XPNPEP3: variants seen among roughly 807,000 people sequenced by gnomAD.
The protein encoded by XPNPEP3 is xaa-Pro aminopeptidase 3.
In XPNPEP3, 41 loss-of-function variants were observed where a neutral mutation model predicts 60.0. That is an observed-to-expected ratio of 0.68 (90% CI 0.53 to 0.89). The LOEUF (loss-of-function observed/expected upper bound fraction) is 0.89. XPNPEP3 is among the 40% of genes least tolerant of loss of function. The pLI is 0.00. For missense variants in XPNPEP3, 598 were observed against 638.9 expected, an observed-to-expected ratio of 0.94 and a Z score of 0.69; for synonymous variants, 212 against 223.2, an observed-to-expected ratio of 0.95 and a Z score of 0.45.
At chr22:40,860,527 T>C in intron 1 of XPNPEP3, 1 of 703,004 alleles carries the variant, frequency 1.4e-6, no homozygotes, top group Non-Finnish European at 2.1e-6. Context: ...TGATACATTC[T>C]TGTCTTCTAA....
chr22:40,903,036 C>G (rs1036078295), intron 4 of XPNPEP3, among the ~76,000 whole-genome samples: 1 of 152,158 alleles, frequency 6.6e-6, no homozygotes, highest in Non-Finnish European at 1.5e-5. Flanking sequence ...TGGTAAAGCC[C>G]TCTGACGAGC....
chr22:40,916,334 CAATTAGCA>C lies in XPNPEP3; in HGVS notation c.1055+2011_1055+2018del, dbSNP rs569613661. 2.2e-3 allele frequency among the ~76,000 whole-genome samples: 332 copies of C among 151,760 alleles called. 2 individuals are homozygous for C. Among genetic ancestry groups the C allele is most frequent in the African/African-American group, 7.8e-3 (324 of 41,400 alleles). ...AAAGAAAGAAATGATCCTAATGTTC[CAATTAGCA>C]GAAAGACTCTAAAGTAGCTGTTATA... is the stretch of plus-strand genomic sequence containing the variant. On this transcript the variant is annotated intron_variant, in intron 7 of 9. Transcript: ENST00000357137.
chr22:40,906,393 C>CA (rs2058155624), intron 4 of XPNPEP3, among the ~76,000 whole-genome samples: 1 of 150,658 alleles, frequency 6.6e-6, no homozygotes, highest in African/African-American at 2.5e-5. Context: ...TGCACTCCAG[C>CA]CTGTGGGATG....
Position 40,901,501 on chromosome 22 carries a change from C to G in XPNPEP3, c.793-6086C>G, listed in dbSNP as rs5995961. On this transcript the variant is annotated intron_variant, in intron 4 of 9. Transcript: ENST00000357137. ...CCACCCGCCTCAGCCTCCCAAAGTG[C>G]TGGAATTACAGGCGTGAGCCACCAC... Among the ~76,000 whole-genome samples, 233 of 152,312 alleles carry G rather than the reference C, an allele frequency of 1.5e-3. 4 individuals carry two copies. The highest frequency in any genetic ancestry group is 5.3e-3 in the African/African-American group (219 of 41,566).
intron 7 of XPNPEP3, among the ~76,000 whole-genome samples, chr22:40,918,938 G>A (rs892316852): frequency 6.6e-6 from 1 of 151,360 alleles, no homozygotes; most frequent in Non-Finnish European, 1.5e-5. Context: ...CGGCTCCCAG[G>A]TTCAAGCAGT....
At chr22:40,876,048 A>G (rs931050577) in intron 2 of XPNPEP3, among the ~76,000 whole-genome samples, 1 of 152,040 alleles carries the variant, frequency 6.6e-6, no homozygotes, top group Non-Finnish European at 1.5e-5. Context: ...TGACATTTGT[A>G]TTTCTCTTTT....
intron 4 of XPNPEP3, among the ~76,000 whole-genome samples, chr22:40,895,985 G>A (rs147957775): frequency 6.6e-4 from 100 of 152,204 alleles, no homozygotes; most frequent in African/African-American, 2.4e-3. Context: ...ATATATCAAC[G>A]TTCTTCATCT....
chr22:40,863,655 TTGCCTACCAC>T (rs2057963280), intron 1 of XPNPEP3, among the ~76,000 whole-genome samples: 1 of 152,206 alleles, frequency 6.6e-6, no homozygotes, highest in Non-Finnish European at 1.5e-5. Flanking sequence ...TGATTATAAT[TTGCCTACCAC>T]TGGAAATAAT....
rs776828526 is a variant in XPNPEP3, at chr22:40,882,197, G to C, written c.589+20G>C. 1.7e-5 allele frequency: 28 copies of C among 1,613,542 alleles called. No individual in the cohort carries two copies. The African/African-American group carries it at 3.6e-4, about 21-fold the overall frequency. ...TGAAAGGTAACAAATGGGAGCAGAA[G>C]TCACATTACAAACCAGATTGGGATT... On this transcript the variant is annotated intron_variant, in intron 3 of 9. Coordinates refer to ENST00000357137, the MANE Select transcript of XPNPEP3 (RefSeq NM_022098.4).
chr22:40,862,396 A>G, intron 1 of XPNPEP3: 2 of 992,042 alleles, frequency 2.0e-6, no homozygotes, highest in Non-Finnish European at 2.4e-6. Context: ...TGACCTCTAG[A>G]TTACTGCGCC....
intron 6 of XPNPEP3, among the ~76,000 whole-genome samples, chr22:40,910,373 A>G (rs775223661): frequency 6.6e-6 from 1 of 152,118 alleles, no homozygotes; most frequent in Non-Finnish European, 1.5e-5. Flanking sequence ...TACAAATTGT[A>G]TGCTCTGTAT....
At position 40,914,467 on chromosome 22, in the gene XPNPEP3, A is replaced by G. The variant is rs931503255; in HGVS notation, c.1055+143A>G. 4 of 718,788 alleles carry G rather than the reference A, an allele frequency of 5.6e-6. No homozygotes were observed. In the East Asian group the frequency reaches 1.2e-4, roughly 21 times the overall value. 44.5% of individuals were successfully genotyped at this position (718,788 alleles called of 1,614,324 possible). On this transcript the variant is annotated intron_variant, in intron 7 of 9. Coordinates refer to ENST00000357137, the MANE Select transcript of XPNPEP3 (RefSeq NM_022098.4). ...GTTGCAAAGCTCCTTATTATTTTCT[A>G]AGACTGTTTTGTTCATCATATCACT...
chr22:40,907,440 CTG>C (rs1356613519), intron 4 of XPNPEP3, 145 bp from the exon 5 acceptor site: 26 of 737,666 alleles, frequency 3.5e-5, no homozygotes, highest in Non-Finnish European at 4.8e-5. Context: ...ACAAAAAAAA[CTG>C]TATTATTACC....
chr22:40,918,424 C>A (rs189381586), intron 7 of XPNPEP3, among the ~76,000 whole-genome samples: 1,682 of 152,200 alleles, frequency 0.011, 23 homozygotes, highest in Middle Eastern at 0.024. Flanking sequence ...GTAATCCCAG[C>A]ACTTTGGGAG....
At chr22:40,894,496 C>T (rs184344482) in intron 4 of XPNPEP3, among the ~76,000 whole-genome samples, 15 of 152,214 alleles carry the variant, frequency 9.9e-5, no homozygotes, top group African/African-American at 2.6e-4. Flanking sequence ...AAACCTTTCC[C>T]GCTGAAGGAA....
At chr22:40,858,529 T>C (rs1298106121) in intron 1 of XPNPEP3, among the ~76,000 whole-genome samples, 2 of 144,422 alleles carry the variant, frequency 1.4e-5, no homozygotes, top group Non-Finnish European at 3.0e-5. Flanking sequence ...AAGCTTTTTT[T>C]TTTTTTTTTT....
intron 2 of XPNPEP3, among the ~76,000 whole-genome samples, chr22:40,871,909 T>G (rs1216024404): frequency 1.3e-5 from 2 of 152,198 alleles, no homozygotes; most frequent in Non-Finnish European, 2.9e-5. Flanking sequence ...GGCGCATGCC[T>G]GTAGTCCCAG....
chr22:40,903,639 G>A (rs868715523), intron 4 of XPNPEP3, among the ~76,000 whole-genome samples: 9 of 151,762 alleles, frequency 5.9e-5, no homozygotes, highest in South Asian at 2.1e-4. Context: ...ACAGGTGCCC[G>A]CCACCATGCC....
chr22:40,913,091 T>G lies in XPNPEP3; in HGVS notation c.970-1148T>G, dbSNP rs549722423. Among the ~76,000 whole-genome samples, 16 of 152,288 alleles carry G rather than the reference T, an allele frequency of 1.1e-4. 1 individual carries two copies. Among genetic ancestry groups the G allele is most frequent in the Admixed American group, 5.9e-4 (9 of 15,272 alleles). On this transcript the variant is annotated intron_variant, in intron 6 of 9. Coordinates refer to ENST00000357137, the MANE Select transcript of XPNPEP3 (RefSeq NM_022098.4). ...CTCTGTCTTCAAGGGCATAGAGAGA[T>G]AATTTCAGCATAACATGACAATTAG...
Sources: gnomAD v4.1 joint callset for allele counts (sites outside exome capture counted in the v4.1 genomes callset) on GRCh38, gnomAD v4.1.1 for gene constraint, MANE v1.5 for transcripts, NCBI Gene and HGNC (gene_info 2026-07-23, HGNC 2026-07-21) for gene names.